ANKH: variants seen among roughly 807,000 people sequenced by gnomAD.
ANKH encodes ANKH inorganic pyrophosphate transport regulator.
Under a neutral mutation model 49.0 loss-of-function variants are expected in ANKH, and 15 were observed. The ratio of observed to expected loss-of-function variants is 0.31; its 90% CI spans 0.20 to 0.47. The LOEUF (loss-of-function observed/expected upper bound fraction) is 0.47. Among genes scored for constraint, ANKH ranks in the 20% least tolerant of loss-of-function variants. ANKH has a pLI of 1.00. For synonymous variants in ANKH, 273 were observed against 260.0 expected (o/e 1.05, Z -0.48); for missense variants, 429 against 652.0 (o/e 0.66, Z 3.72).
intron 1 of ANKH, among the ~76,000 whole-genome samples, chr5:14,802,225 G>A (rs978972776): frequency 6.6e-6 from 1 of 152,150 alleles, no homozygotes; most frequent in East Asian, 1.9e-4. Context: ...CACTCCACAA[G>A]GCTGTTCCTT....
chr5:14,710,203 A>G lies in ANKH; in HGVS notation c.*994T>C, dbSNP rs569418989. 2.0e-5 allele frequency: 3 copies of G among 150,990 alleles called. No individual in the cohort carries two copies. Among genetic ancestry groups the G allele is most frequent in the African/African-American group, 7.4e-5 (3 of 40,296 alleles). The allele number at this position is 150,990 out of a possible 1,614,324, so 9.4% of individuals were successfully genotyped here. ...TAAGGATAGCAGAACCAGGTAATAT[A>G]TCTACTTCAAAAGTTACCCTACAGC... On this transcript the variant is annotated 3_prime_UTR_variant, in exon 12 of 12. Coordinates refer to ENST00000284268, the MANE Select transcript of ANKH (RefSeq NM_054027.6).
chr5:14,817,711 G>T (rs76100666), intron 1 of ANKH, among the ~76,000 whole-genome samples: 1,764 of 152,282 alleles, frequency 0.012, 33 homozygotes, highest in African/African-American at 0.041. Flanking sequence ...CCTCTGACAT[G>T]GCTACATAAC....
At position 14,708,344 on chromosome 5, in the gene ANKH, T is replaced by G. The variant is rs756247290; in HGVS notation, c.*2853A>C. ...TCATCCACAAGCAATCACTCAGTTT[T>G]GGAGAAAGTCACACCTGGTCTTTCC... On this transcript the variant is annotated 3_prime_UTR_variant, in exon 12 of 12. Transcript: ENST00000284268. 8 of 152,234 alleles carry G rather than the reference T, an allele frequency of 5.3e-5. No individual in the cohort carries two copies. Among genetic ancestry groups the G allele is most frequent in the Non-Finnish European group, 1.0e-4 (7 of 68,034 alleles). 9.4% of individuals were successfully genotyped at this position (152,234 alleles called of 1,614,324 possible). A position where few individuals can be genotyped will look rare whatever the true frequency, so the allele number is the denominator to read the frequency against.
chr5:14,802,243 C>CT (rs1320841395), intron 1 of ANKH, among the ~76,000 whole-genome samples: 5 of 152,256 alleles, frequency 3.3e-5, no homozygotes, highest in Middle Eastern at 3.4e-3. Flanking sequence ...CTTCAATGCT[C>CT]CATTTCTTAA....
intron 1 of ANKH, among the ~76,000 whole-genome samples, chr5:14,849,467 A>G (rs924072666): frequency 1.3e-5 from 2 of 152,204 alleles, no homozygotes; most frequent in African/African-American, 4.8e-5. Flanking sequence ...TTTATTAGAT[A>G]GATGCAGGGA....
intron 1 of ANKH, among the ~76,000 whole-genome samples, chr5:14,774,639 T>C (rs1223305343): frequency 6.6e-6 from 1 of 152,156 alleles, no homozygotes; most frequent in Non-Finnish European, 1.5e-5. Flanking sequence ...AGTCACCTAC[T>C]GTTTGCTTTA....
chr5:14,772,109 G>A (rs1739466248), intron 1 of ANKH, among the ~76,000 whole-genome samples: 1 of 152,048 alleles, frequency 6.6e-6, no homozygotes, highest in African/African-American at 2.4e-5. Flanking sequence ...GTTATTCCTT[G>A]GTTTCAAGGG....
At chr5:14,819,682 A>G (rs575653585) in intron 1 of ANKH, among the ~76,000 whole-genome samples, 14 of 152,262 alleles carry the variant, frequency 9.2e-5, no homozygotes, top group African/African-American at 3.4e-4. Context: ...CCTGGGCAAC[A>G]AGGCAAAACC....
At chr5:14,819,540 C>T (rs1741137880) in intron 1 of ANKH, among the ~76,000 whole-genome samples, 1 of 152,148 alleles carries the variant, frequency 6.6e-6, no homozygotes, top group African/African-American at 2.4e-5. Flanking sequence ...TTGGTGCAAG[C>T]TCCCACTGAC....
At chr5:14,712,828 C>T (rs749997528) in intron 11 of ANKH, 46 bp downstream of exon 11, 1 of 1,545,832 alleles carries the variant, frequency 6.5e-7, no homozygotes, top group Non-Finnish European at 8.8e-7. Flanking sequence ...TCTCCTGCAC[C>T]CAGGAGGATG....
intron 2 of ANKH, among the ~76,000 whole-genome samples, chr5:14,760,085 A>G (rs1437532919): frequency 6.6e-6 from 1 of 152,146 alleles, no homozygotes; most frequent in Non-Finnish European, 1.5e-5. Flanking sequence ...GAAAGCTCCT[A>G]GTCCTTCCAG....
rs771470228 is a variant in ANKH, at chr5:14,755,847, C to T, written c.516+14G>A. ...ACTCTGAGGAGCTCTGATTGACACA[C>T]AGACCATATTTACCTGAGCTATGAC... On this transcript the variant is annotated intron_variant, in intron 4 of 11. Transcript: ENST00000284268. The T allele has an allele frequency of 1.9e-6, 3 of 1,612,820 alleles. No individual in the cohort carries two copies. The highest frequency in any genetic ancestry group is 2.5e-6 in the Non-Finnish European group (3 of 1,178,826).
intron 6 of ANKH, among the ~76,000 whole-genome samples, chr5:14,746,636 T>C (rs1373426200): frequency 6.6e-6 from 1 of 152,312 alleles, no homozygotes; most frequent in East Asian, 1.9e-4. Context: ...ACAAAGGCAA[T>C]CTAGTCCCCA....
At chr5:14,829,325 G>A (rs1230399176) in intron 1 of ANKH, among the ~76,000 whole-genome samples, 1 of 151,636 alleles carries the variant, frequency 6.6e-6, no homozygotes, top group Non-Finnish European at 1.5e-5. Context: ...TACTTATTTT[G>A]CTGTACAGAT....
At chr5:14,860,967 G>C (rs1236920297) in intron 1 of ANKH, among the ~76,000 whole-genome samples, 1 of 152,080 alleles carries the variant, frequency 6.6e-6, no homozygotes, top group Non-Finnish European at 1.5e-5. Flanking sequence ...ATTTTTAGTG[G>C]AGATGGAGTT....
Position 14,710,942 on chromosome 5 carries a change from G to A in ANKH, c.*255C>T, listed in dbSNP as rs977335068. On this transcript the variant is annotated 3_prime_UTR_variant, in exon 12 of 12. Coordinates refer to ENST00000284268, the MANE Select transcript of ANKH (RefSeq NM_054027.6). The stretch of plus-strand genomic sequence containing the variant: ...AGGCAGCTGTGTCTTTTGGGTTTTC[G>A]TGAGGCAGGGGTATGAAGTCAGTTG... 4.1e-5 allele frequency: 19 copies of A among 461,126 alleles called. No homozygotes were observed. The highest frequency in any genetic ancestry group is 1.8e-4 in the East Asian group (4 of 21,870). 28.6% of individuals were successfully genotyped at this position (461,126 alleles called of 1,614,324 possible).
intron 1 of ANKH, among the ~76,000 whole-genome samples, chr5:14,790,085 C>T (rs549886967): frequency 3.3e-5 from 5 of 152,268 alleles, no homozygotes; most frequent in African/African-American, 1.2e-4. Flanking sequence ...CTTATGATAC[C>T]TTCCAATTCC....
intron 1 of ANKH, among the ~76,000 whole-genome samples, chr5:14,851,249 C>T (rs1243105711): frequency 6.6e-6 from 1 of 152,200 alleles, no homozygotes; most frequent in African/African-American, 2.4e-5. Flanking sequence ...ATCTGCGGCT[C>T]TGCCTCTCAC....
chr5:14,849,819 G>A (rs980841022), intron 1 of ANKH, among the ~76,000 whole-genome samples: 54 of 152,224 alleles, frequency 3.5e-4, no homozygotes, highest in African/African-American at 1.3e-3. Context: ...TGCTTGTCAC[G>A]GTCACTCGGA....
Sources: allele counts gnomAD v4.1 joint callset (sites outside exome capture counted in the v4.1 genomes callset), GRCh38; gene constraint gnomAD v4.1.1; transcripts MANE v1.5; gene names NCBI Gene and HGNC (gene_info 2026-07-23, HGNC 2026-07-21).